SH3RF3: variants seen among roughly 807,000 people sequenced by gnomAD.
SH3RF3 encodes E3 ubiquitin-protein ligase SH3RF3.
Under a neutral mutation model 66.3 loss-of-function variants are expected in SH3RF3, and 29 were observed. That is an observed-to-expected ratio of 0.44 (90% CI 0.33 to 0.60). The LOEUF (loss-of-function observed/expected upper bound fraction) is 0.60. SH3RF3 is among the 20% of genes least tolerant of loss of function. The pLI is 0.04. For missense variants in SH3RF3, 1,194 were observed against 1,190.9 expected (o/e 1.00, Z -0.04); for synonymous variants, 583 against 532.0 (o/e 1.10, Z -1.32).
chr2:109,358,206 G>A (rs1682990422), intron 2 of SH3RF3, among the ~76,000 whole-genome samples: 1 of 152,156 alleles, frequency 6.6e-6, no homozygotes, highest in Non-Finnish European at 1.5e-5. Flanking sequence ...GTCCTTCCAT[G>A]TCTTTTCATA....
intron 8 of SH3RF3, among the ~76,000 whole-genome samples, chr2:109,472,604 T>C (rs1678554579): frequency 6.6e-6 from 1 of 152,180 alleles, no homozygotes; most frequent in Non-Finnish European, 1.5e-5. Flanking sequence ...TCCATCCATC[T>C]GTTTCATTTA....
chr2:109,271,848 A>G (rs1680633228), intron 1 of SH3RF3, among the ~76,000 whole-genome samples: 1 of 152,244 alleles, frequency 6.6e-6, no homozygotes, highest in Non-Finnish European at 1.5e-5. Context: ...GTATCCTATA[A>G]CTGGAGTATT....
chr2:109,222,824 A>C (rs536684921), intron 1 of SH3RF3, among the ~76,000 whole-genome samples: 1 of 152,192 alleles, frequency 6.6e-6, no homozygotes, highest in South Asian at 2.1e-4. Context: ...AATAAAGCAC[A>C]TTTTCCAGTT....
chr2:109,252,134 C>T lies in SH3RF3; in HGVS notation c.574-95540C>T, dbSNP rs576001911. 3.3e-5 allele frequency among the ~76,000 whole-genome samples: 5 copies of T among 152,124 alleles called. No homozygotes were observed. The South Asian group carries it at 1.0e-3, about 32-fold the overall frequency. On this transcript the variant is annotated intron_variant, in intron 1 of 9. Transcript: ENST00000309415. ...TGTCACAGGCCTATAGTCTCAGCTA[C>T]TCAGGAGGCTGAGGTTGGAGGATGG...
rs991647279 is a variant in SH3RF3, at chr2:109,503,713, C to G, written c.*2042C>G. On this transcript the variant is annotated 3_prime_UTR_variant, in exon 10 of 10. Transcript: ENST00000309415. The stretch of plus-strand genomic sequence containing the variant: ...CCAGGGAAACCAGACCAAGTCAAGT[C>G]TCCAGGTAACTTTTTTGAAGTCTTT... The G allele has an allele frequency of 3.9e-5, 6 of 152,312 alleles. No individual in the cohort carries two copies. Among genetic ancestry groups the G allele is most frequent in the African/African-American group, 1.4e-4 (6 of 41,538 alleles). 9.4% of individuals were successfully genotyped at this position (152,312 alleles called of 1,614,324 possible).
In SH3RF3 at chr2:109,408,946, C is replaced by T. The variant is rs543167854; in HGVS notation, c.1299+10003C>T. Among the ~76,000 whole-genome samples the T allele has an allele frequency of 1.3e-4, 20 of 152,320 alleles. No individual in the cohort carries two copies. In the South Asian group the frequency reaches 3.5e-3, roughly 27 times the overall value. ...CCATGAGCGGAGGCCATCCACGGCT[C>T]TTCCTGATAGAAGAAAGGCTCCAGG... On this transcript the variant is annotated intron_variant, in intron 4 of 9. Coordinates refer to ENST00000309415, the MANE Select transcript of SH3RF3 (RefSeq NM_001099289.3).
chr2:109,346,893 A>G (rs1682721976), intron 1 of SH3RF3, among the ~76,000 whole-genome samples: 1 of 152,222 alleles, frequency 6.6e-6, no homozygotes, highest in Non-Finnish European at 1.5e-5. Flanking sequence ...AGACTGCTAC[A>G]AGTACATGCA....
chr2:109,270,465 T>C (rs1403931573), intron 1 of SH3RF3, among the ~76,000 whole-genome samples: 3 of 152,288 alleles, frequency 2.0e-5, no homozygotes, highest in South Asian at 2.1e-4. Flanking sequence ...TTGTTTCCAC[T>C]GCCTGAGCTG....
In SH3RF3 at chr2:109,222,790, T is replaced by C. The variant is rs113559367; in HGVS notation, c.573+92677T>C. Among the ~76,000 whole-genome samples the C allele has an allele frequency of 9.1e-3, 1,382 of 152,332 alleles. 26 individuals carry two copies. The highest frequency in any genetic ancestry group is 0.032 in the African/African-American group (1,311 of 41,570). ...TCTGCCTAAGGACTTTTTGGTTTGC[T>C]AAAAGACAAAACAAAACACAGGAAA... On this transcript the variant is annotated intron_variant, in intron 1 of 9. Transcript: ENST00000309415.
chr2:109,326,790 A>G (rs945410507), intron 1 of SH3RF3, among the ~76,000 whole-genome samples: 2 of 152,224 alleles, frequency 1.3e-5, no homozygotes, highest in Non-Finnish European at 1.5e-5. Flanking sequence ...GTCCTTCCCA[A>G]TAAAGTAGGT....
At position 109,284,356 on chromosome 2, in the gene SH3RF3, A is replaced by G. The variant is rs115784178; in HGVS notation, c.574-63318A>G. On this transcript the variant is annotated intron_variant, in intron 1 of 9. Transcript: ENST00000309415. ...TCAGGGACTGATAGCAACCAAAATT[A>G]TCAGACAAGCTGCAGGAGATGAAAT... is the stretch of plus-strand genomic sequence containing the variant. 2.3e-3 allele frequency among the ~76,000 whole-genome samples: 356 copies of G among 152,364 alleles called. 1 individual carries two copies. The highest frequency in any genetic ancestry group is 8.2e-3 in the African/African-American group (339 of 41,590).
intron 1 of SH3RF3, among the ~76,000 whole-genome samples, chr2:109,170,239 T>C (rs200269740): frequency 0.012 from 1,573 of 133,196 alleles, 55 homozygotes; most frequent in African/African-American, 0.041. Flanking sequence ...CTTCTCTTCT[T>C]TTCTTTTCTC....
At chr2:109,314,742 A>G (rs1226346950) in intron 1 of SH3RF3, among the ~76,000 whole-genome samples, 1 of 152,154 alleles carries the variant, frequency 6.6e-6, no homozygotes, top group African/African-American at 2.4e-5. Context: ...CCACCAGCCA[A>G]TTTCTTATTC....
intron 1 of SH3RF3, among the ~76,000 whole-genome samples, chr2:109,181,043 C>T (rs1678061009): frequency 6.6e-6 from 1 of 152,170 alleles, no homozygotes; most frequent in South Asian, 2.1e-4. Context: ...CTTTGATGGC[C>T]AGCCCGCTGT....
intron 4 of SH3RF3, among the ~76,000 whole-genome samples, chr2:109,419,197 T>G (rs1676805400): frequency 6.6e-6 from 1 of 152,148 alleles, no homozygotes. Flanking sequence ...TTGTGTGGGT[T>G]TTTTTTAAAC....
intron 1 of SH3RF3, among the ~76,000 whole-genome samples, chr2:109,264,958 G>A (rs1680454190): frequency 6.6e-6 from 1 of 152,162 alleles, no homozygotes; most frequent in South Asian, 2.1e-4. Context: ...TGGGTGGCAG[G>A]GGGACTAGGG....
intron 1 of SH3RF3, among the ~76,000 whole-genome samples, chr2:109,239,843 C>G (rs908114490): frequency 6.6e-6 from 1 of 152,196 alleles, no homozygotes. Context: ...CAGCAACTTA[C>G]AGAATTTCCG....
Position 109,432,497 on chromosome 2 carries a change from G to A in SH3RF3, c.1404-4G>A, listed in dbSNP as rs373155741. On this transcript the variant is annotated splice_polypyrimidine_tract_variant and splice_region_variant and intron_variant, in intron 5 of 9. Coordinates refer to ENST00000309415, the MANE Select transcript of SH3RF3 (RefSeq NM_001099289.3). ...CTGACACTGGCCCCATGCTTTGCCC[G>A]CAGGTACCTGGCGCTCTACGCCTAC... 29 of 1,612,796 alleles carry A rather than the reference G, an allele frequency of 1.8e-5. No homozygotes were observed. The highest frequency in any genetic ancestry group is 5.5e-5 in the South Asian group (5 of 90,798).
At position 109,371,697 on chromosome 2, in the gene SH3RF3, C is replaced by A. The variant is rs1052545902; in HGVS notation, c.945+16C>A. The stretch of plus-strand genomic sequence containing the variant: ...GTACGTGGAGGTAAGACCGTGCCGC[C>A]CTCCCACACTTGGCTCCTTCTTGCC... On this transcript the variant is annotated intron_variant, in intron 3 of 9. Coordinates refer to ENST00000309415, the MANE Select transcript of SH3RF3 (RefSeq NM_001099289.3). 5 of 1,610,156 alleles carry A rather than the reference C, an allele frequency of 3.1e-6. No individual in the cohort carries two copies. The highest frequency in any genetic ancestry group is 4.5e-5 in the East Asian group (2 of 44,800).
Sources: allele counts gnomAD v4.1 joint callset (sites outside exome capture counted in the v4.1 genomes callset), GRCh38; gene constraint gnomAD v4.1.1; transcripts MANE v1.5; gene names NCBI Gene and HGNC (gene_info 2026-07-23, HGNC 2026-07-21).